The following NUDT3 variants were observed in gnomAD, a reference collection of about 807,000 sequenced individuals.
NUDT3 encodes diphosphoinositol polyphosphate phosphohydrolase 1.
NUDT3 carries 9 observed loss-of-function variants against 23.6 expected under a neutral mutation model. The ratio of observed to expected loss-of-function variants is 0.38; its 90% confidence interval spans 0.23 to 0.66. NUDT3 has a LOEUF of 0.66. Among genes scored for constraint, NUDT3 ranks in the 30% least tolerant of loss-of-function variants. The probability of loss-of-function intolerance (pLI) is 0.52; values close to 1 mark genes in which losing one functional copy is unlikely to be tolerated. For synonymous variants in NUDT3, 86 were observed against 82.6 expected, an observed-to-expected ratio of 1.04 and a Z score of -0.22; for missense variants, 172 against 218.5, an observed-to-expected ratio of 0.79 and a Z score of 1.34.
intron 1 of NUDT3, among the ~76,000 whole-genome samples, chr6:34,368,436 C>G (rs979450908): frequency 6.6e-6 from 1 of 152,168 alleles, no homozygotes; most frequent in African/African-American, 2.4e-5. Flanking sequence ...CAAAGAAGTG[C>G]AGCAGCATAC....
intron 1 of NUDT3, among the ~76,000 whole-genome samples, chr6:34,379,741 G>A (rs907694894): frequency 1.5e-4 from 23 of 151,212 alleles, no homozygotes; most frequent in African/African-American, 5.6e-4. Flanking sequence ...TAGGCCAGGC[G>A]CGGTGGTTCA....
chr6:34,321,491 T>C (rs2113717635), intron 2 of NUDT3, among the ~76,000 whole-genome samples: 1 of 152,280 alleles, frequency 6.6e-6, no homozygotes, highest in South Asian at 2.1e-4. Flanking sequence ...TCCTTCATCA[T>C]TAATAGAATT....
rs147328508 is a variant in NUDT3 at position 34,355,328 on chromosome 6, C to G, written c.100-13356G>C. ...TAGTCTGTCAGTGTGGTAAATTACACTGACCAGTTTTTAAATGTTAAACCA... is the reference window on the plus strand; with the variant it reads ...TAGTCTGTCAGTGTGGTAAATTACAGTGACCAGTTTTTAAATGTTAAACCA... On this transcript the variant is annotated intron_variant, in intron 1 of 4. Transcript: ENST00000607016. Among the ~76,000 whole-genome samples the G allele has an allele frequency of 9.1e-3, 1,388 of 152,134 alleles. 14 individuals are homozygous for G. The highest frequency in any genetic ancestry group is 0.024 in the Middle Eastern group (7 of 294).
chr6:34,368,188 G>A (rs190205202), intron 1 of NUDT3, among the ~76,000 whole-genome samples: 22 of 152,306 alleles, frequency 1.4e-4, no homozygotes, highest in Admixed American at 1.4e-3. Flanking sequence ...GCGACAGAGC[G>A]AGACTACATC....
At chr6:34,306,594 A>T (rs182678134) in intron 2 of NUDT3, among the ~76,000 whole-genome samples, 36 of 152,348 alleles carry the variant, frequency 2.4e-4, no homozygotes, top group Admixed American at 2.1e-3. Flanking sequence ...TTCTGGACTC[A>T]TTTCATTTCG....
chr6:34,305,596 C>CTTGTTTT (rs1227371384), intron 2 of NUDT3, among the ~76,000 whole-genome samples: 3 of 152,078 alleles, frequency 2.0e-5, no homozygotes, highest in Non-Finnish European at 4.4e-5. Flanking sequence ...TGGGCTTGCT[C>CTTGTTTT]TTGTTTTTTC....
intron 2 of NUDT3, among the ~76,000 whole-genome samples, chr6:34,316,875 C>G (rs909350281): frequency 6.6e-6 from 1 of 152,088 alleles, no homozygotes; most frequent in African/African-American, 2.4e-5. Context: ...ATGATCTGAT[C>G]TGGTTTCTTT....
intron 4 of NUDT3, 126 bp from the exon 5 acceptor site, chr6:34,289,057 C>T: frequency 8.4e-7 from 1 of 1,185,944 alleles, no homozygotes; most frequent in Non-Finnish European, 1.1e-6. Flanking sequence ...ACAAAAATAA[C>T]TCAAGCACAC....
At chr6:34,366,946 C>A (rs1764745159) in intron 1 of NUDT3, among the ~76,000 whole-genome samples, 1 of 151,678 alleles carries the variant, frequency 6.6e-6, no homozygotes, top group South Asian at 2.1e-4. Flanking sequence ...AGGCTGGAGT[C>A]CAGTGGCACA....
At chr6:34,390,697 G>A (rs966507289) in intron 1 of NUDT3, among the ~76,000 whole-genome samples, 2 of 151,984 alleles carry the variant, frequency 1.3e-5, no homozygotes, top group South Asian at 4.1e-4. Flanking sequence ...TGCATCATTC[G>A]TACAACTAAA....
chr6:34,299,759 AC>A (rs1288012028), intron 2 of NUDT3, among the ~76,000 whole-genome samples: 1 of 151,414 alleles, frequency 6.6e-6, no homozygotes, highest in Non-Finnish European at 1.5e-5. Flanking sequence ...CACAAAAATT[AC>A]CCGGGCGTGG....
intron 3 of NUDT3, among the ~76,000 whole-genome samples, chr6:34,294,033 G>A (rs995573161): frequency 4.6e-5 from 7 of 152,082 alleles, no homozygotes; most frequent in Non-Finnish European, 7.4e-5. Context: ...TGTCACCTAC[G>A]GTAGAGCGCA....
At chr6:34,310,059 C>T (rs1047942519) in intron 2 of NUDT3, among the ~76,000 whole-genome samples, 2 of 151,882 alleles carry the variant, frequency 1.3e-5, no homozygotes, top group Non-Finnish European at 2.9e-5. Context: ...ACCAGTGAGA[C>T]CCATCTCTGC....
intron 2 of NUDT3, among the ~76,000 whole-genome samples, chr6:34,296,707 A>C (rs866222859): frequency 5.9e-5 from 9 of 152,362 alleles, no homozygotes; most frequent in Middle Eastern, 3.4e-3. Flanking sequence ...TGTAACAGTG[A>C]ATAGGCTAGA....
intron 1 of NUDT3, among the ~76,000 whole-genome samples, chr6:34,373,401 G>T (rs759270474): frequency 4.0e-5 from 6 of 149,336 alleles, no homozygotes; most frequent in Non-Finnish European, 8.9e-5. Flanking sequence ...CATACGTTTT[G>T]GGGGGAAACT....
intron 2 of NUDT3, among the ~76,000 whole-genome samples, chr6:34,311,988 G>A (rs1480225092): frequency 6.6e-6 from 1 of 152,078 alleles, no homozygotes; most frequent in Non-Finnish European, 1.5e-5. Flanking sequence ...GTAACACAAG[G>A]GAAAATATAG....
At chr6:34,307,043 C>T (rs546848437) in intron 2 of NUDT3, among the ~76,000 whole-genome samples, 1 of 152,232 alleles carries the variant, frequency 6.6e-6, no homozygotes, top group African/African-American at 2.4e-5. Flanking sequence ...AAGCAAGATA[C>T]TCCTGTGCAG....
chr6:34,310,914 GA>G (rs34218825), intron 2 of NUDT3, among the ~76,000 whole-genome samples: 13,354 of 149,008 alleles, frequency 0.09, 1,303 homozygotes, highest in East Asian at 0.43. Flanking sequence ...TATAGATGCA[GA>G]AAAAGCATGT....
Position 34,287,830 on chromosome 6 carries a change from T to C in NUDT3, c.*923A>G, listed in dbSNP as rs1260063744. On this transcript the variant is annotated 3_prime_UTR_variant, in exon 5 of 5. Transcript: ENST00000607016. ...GGACCTGATGCTCCAGTTTTTTAGA[T>C]AAGTAATCCCAAGAATCCAGTTCCA... 1 of 152,168 alleles carries C rather than the reference T, an allele frequency of 6.6e-6. No homozygotes were observed. The highest frequency in any genetic ancestry group is 1.5e-5 in the Non-Finnish European group (1 of 68,030). 9.4% of individuals were successfully genotyped at this position (152,168 alleles called of 1,614,324 possible).
Sources: allele counts gnomAD v4.1 joint callset (sites outside exome capture counted in the v4.1 genomes callset), GRCh38; gene constraint gnomAD v4.1.1; transcripts MANE v1.5; gene names NCBI Gene and HGNC (gene_info 2026-07-23, HGNC 2026-07-21).